The following CDH13 variants were observed in gnomAD, a reference collection of about 807,000 sequenced individuals.
CDH13 encodes cadherin-13.
A neutral mutation model predicts 63.8 loss-of-function variants in CDH13; 24 were observed. That is an observed-to-expected ratio of 0.38 (90% CI 0.27 to 0.53). CDH13 has a LOEUF of 0.53. Among genes scored for constraint, CDH13 ranks in the 20% least tolerant of loss-of-function variants. The probability of loss-of-function intolerance (pLI) is 0.85; values close to 1 mark genes in which losing one functional copy is unlikely to be tolerated. For synonymous variants in CDH13, 503 were observed against 355.3 expected (o/e 1.42, Z -4.67); for missense variants, 1,049 against 903.1 (o/e 1.16, Z -2.07).
chr16:83,222,425 C>T (rs138626953), intron 5 of CDH13, among the ~76,000 whole-genome samples: 28 of 152,200 alleles, frequency 1.8e-4, no homozygotes, highest in African/African-American at 6.0e-4. Flanking sequence ...TGCCGTCATG[C>T]GGAAATAGGT....
chr16:83,205,830 C>G (rs1360622870), intron 4 of CDH13, among the ~76,000 whole-genome samples: 2 of 152,052 alleles, frequency 1.3e-5, no homozygotes, highest in Non-Finnish European at 2.9e-5. Context: ...GTCTCTATCT[C>G]CTGACCTTGT....
intron 1 of CDH13, among the ~76,000 whole-genome samples, chr16:82,856,311 C>G (rs2039684604): frequency 6.8e-6 from 1 of 147,640 alleles, no homozygotes; most frequent in African/African-American, 2.5e-5. Flanking sequence ...GGGGGCGGAG[C>G]TTGCAGTGAG....
At chr16:83,567,769 G>T (rs892224148) in intron 7 of CDH13, among the ~76,000 whole-genome samples, 13 of 151,502 alleles carry the variant, frequency 8.6e-5, no homozygotes, top group Non-Finnish European at 1.8e-4. Context: ...CTAATTTTTT[G>T]TATTTTTAGT....
intron 5 of CDH13, among the ~76,000 whole-genome samples, chr16:83,298,741 G>A (rs1056952146): frequency 3.9e-5 from 6 of 152,182 alleles, no homozygotes; most frequent in South Asian, 2.1e-4. Flanking sequence ...TGGCCCCAGA[G>A]TAAAAGCCCT....
intron 1 of CDH13, among the ~76,000 whole-genome samples, chr16:82,834,471 A>G (rs2038679758): frequency 6.6e-6 from 1 of 152,300 alleles, no homozygotes; most frequent in Admixed American, 6.5e-5. Context: ...CCCCCTCTAA[A>G]AAAAAGAAAA....
chr16:83,630,875 C>G (rs1449606738), intron 8 of CDH13, among the ~76,000 whole-genome samples: 1 of 152,172 alleles, frequency 6.6e-6, no homozygotes, highest in Admixed American at 6.5e-5. Flanking sequence ...AGGTTTGCCT[C>G]CCATAGGTCC....
At chr16:83,223,471 G>A (rs914780618) in intron 5 of CDH13, among the ~76,000 whole-genome samples, 2 of 152,228 alleles carry the variant, frequency 1.3e-5, no homozygotes, top group Admixed American at 6.5e-5. Context: ...AAGAGTTTTG[G>A]AGGTGACAGG....
intron 7 of CDH13, among the ~76,000 whole-genome samples, chr16:83,496,215 C>G (rs1358184733): frequency 6.6e-6 from 1 of 151,206 alleles, no homozygotes; most frequent in Non-Finnish European, 1.5e-5. Context: ...AATCCTAAGC[C>G]AAAAGAACAA....
At chr16:83,628,799 T>C (rs997133439) in intron 8 of CDH13, among the ~76,000 whole-genome samples, 7 of 152,234 alleles carry the variant, frequency 4.6e-5, no homozygotes, top group Non-Finnish European at 7.3e-5. Flanking sequence ...ACCTTGATGG[T>C]TGATTTGTGA....
At chr16:83,417,973 A>G (rs9674250) in intron 6 of CDH13, among the ~76,000 whole-genome samples, 45 of 151,938 alleles carry the variant, frequency 3.0e-4, no homozygotes, top group Admixed American at 5.9e-4. Flanking sequence ...AAACTCCTAT[A>G]CATCCTTTAA....
At chr16:83,625,100 T>C (rs1910168170) in intron 8 of CDH13, among the ~76,000 whole-genome samples, 1 of 152,186 alleles carries the variant, frequency 6.6e-6, no homozygotes, top group African/African-American at 2.4e-5. Flanking sequence ...CCATTAAACA[T>C]TTACCAGCAC....
chr16:83,766,549 C>T (rs1914400368), intron 11 of CDH13, among the ~76,000 whole-genome samples: 1 of 152,214 alleles, frequency 6.6e-6, no homozygotes, highest in Admixed American at 6.5e-5. Flanking sequence ...ACCACTTGTA[C>T]TCATAACTTC....
intron 2 of CDH13, among the ~76,000 whole-genome samples, chr16:83,011,051 G>T (rs1387327067): frequency 1.3e-5 from 2 of 152,176 alleles, no homozygotes; most frequent in Non-Finnish European, 2.9e-5. Flanking sequence ...GATAAATAAA[G>T]ATGGTGTGGA....
intron 8 of CDH13, among the ~76,000 whole-genome samples, chr16:83,606,553 C>G (rs542441676): frequency 2.4e-4 from 37 of 151,792 alleles, no homozygotes; most frequent in Admixed American, 1.8e-3. Context: ...GTCTGGGAAA[C>G]ATGGTGAAAC....
intron 5 of CDH13, among the ~76,000 whole-genome samples, chr16:83,267,413 A>G (rs1432696344): frequency 1.3e-5 from 2 of 152,164 alleles, no homozygotes; most frequent in Non-Finnish European, 2.9e-5. Context: ...ACATCGGCTT[A>G]TAGGAGAAAG....
intron 7 of CDH13, among the ~76,000 whole-genome samples, chr16:83,571,838 A>C (rs990068735): frequency 6.6e-6 from 1 of 152,014 alleles, no homozygotes; most frequent in Non-Finnish European, 1.5e-5. Context: ...CTACCTACCA[A>C]ACTGGTGCCT....
intron 7 of CDH13, among the ~76,000 whole-genome samples, chr16:83,541,151 C>G (rs1598257555): frequency 6.6e-6 from 1 of 152,232 alleles, no homozygotes; most frequent in Non-Finnish European, 1.5e-5. Context: ...ACACTAGTGC[C>G]CAGTGGTGAG....
chr16:82,819,217 A>G (rs1435121690), intron 1 of CDH13, among the ~76,000 whole-genome samples: 2 of 152,222 alleles, frequency 1.3e-5, no homozygotes, highest in South Asian at 2.1e-4. Context: ...AAAACAATCA[A>G]TTAATTGATC....
At chr16:82,895,459 C>A (rs2041221326) in intron 2 of CDH13, among the ~76,000 whole-genome samples, 1 of 152,056 alleles carries the variant, frequency 6.6e-6, no homozygotes, top group South Asian at 2.1e-4. Context: ...GAGTAAAGGC[C>A]CAGACTCACT....
Sources: allele counts gnomAD v4.1 joint callset (sites outside exome capture counted in the v4.1 genomes callset), GRCh38; gene constraint gnomAD v4.1.1; transcripts MANE v1.5; gene names NCBI Gene and HGNC (gene_info 2026-07-23, HGNC 2026-07-21).